DOK5: variants seen among roughly 807,000 people sequenced by gnomAD.
DOK5 encodes the protein downstream of tyrosine kinase 5.
A neutral mutation model predicts 43.3 loss-of-function variants in DOK5; 27 were observed. The ratio of observed to expected loss-of-function variants is 0.62; its 90% CI spans 0.46 to 0.86. The LOEUF is 0.86. DOK5 is among the 40% of genes least tolerant of loss of function. The pLI, the probability that DOK5 is intolerant of heterozygous loss-of-function variation, is 0.00. For missense variants in DOK5, 373 were observed against 392.9 expected (o/e 0.95, Z 0.43); for synonymous variants, 146 against 140.1 (o/e 1.04, Z -0.30).
intron 1 of DOK5, among the ~76,000 whole-genome samples, chr20:54,492,477 C>T (rs754064340): frequency 3.3e-5 from 5 of 151,978 alleles, no homozygotes; most frequent in Non-Finnish European, 7.4e-5. Flanking sequence ...TAGGTAGTTT[C>T]CAGGTTTTGC....
chr20:54,640,772 A>G (rs1258775577), intron 6 of DOK5, among the ~76,000 whole-genome samples: 1 of 152,218 alleles, frequency 6.6e-6, no homozygotes, highest in Non-Finnish European at 1.5e-5. Flanking sequence ...TTTTCTTTAT[A>G]TGAAATTTTC....
chr20:54,561,797 T>A (rs1304833754), intron 2 of DOK5, among the ~76,000 whole-genome samples: 1 of 152,168 alleles, frequency 6.6e-6, no homozygotes, highest in African/African-American at 2.4e-5. Flanking sequence ...GCTGGGATTA[T>A]AGGCATGCGC....
intron 6 of DOK5, among the ~76,000 whole-genome samples, chr20:54,615,166 G>A (rs967680461): frequency 5.3e-5 from 8 of 152,140 alleles, no homozygotes; most frequent in African/African-American, 1.7e-4. Context: ...GCCAATACCA[G>A]GCTGAAATTA....
rs564669305 is a variant in DOK5 at position 54,518,704 on chromosome 20, A to G, written c.67-36229A>G. On this transcript the variant is annotated intron_variant, in intron 1 of 7. Transcript: ENST00000262593. Reference sequence around the variant, plus strand: ...AGATCCCTGAGGAATCGCCACACTGACTTCCACAATGGTTGAACTAGTTTA... The same window carrying G: ...AGATCCCTGAGGAATCGCCACACTGGCTTCCACAATGGTTGAACTAGTTTA... Among the ~76,000 whole-genome samples the G allele has an allele frequency of 3.3e-5, 5 of 152,328 alleles. No individual in the cohort carries two copies. The South Asian group carries it at 1.0e-3, about 32-fold the overall frequency.
intron 1 of DOK5, among the ~76,000 whole-genome samples, chr20:54,493,917 TGACA>T (rs1285384728): frequency 6.6e-6 from 1 of 152,178 alleles, no homozygotes; most frequent in Admixed American, 6.5e-5. Flanking sequence ...CCAGCCTGGG[TGACA>T]GACTGAGACC....
chr20:54,646,944 G>C (rs974806175), intron 7 of DOK5, among the ~76,000 whole-genome samples: 4 of 148,048 alleles, frequency 2.7e-5, no homozygotes, highest in African/African-American at 7.5e-5. Flanking sequence ...AAATCATACA[G>C]ACCCTTAAGG....
At chr20:54,516,741 G>T (rs7273785) in intron 1 of DOK5, among the ~76,000 whole-genome samples, 1 of 152,116 alleles carries the variant, frequency 6.6e-6, no homozygotes, top group Admixed American at 6.5e-5. Context: ...CTACTAAATA[G>T]GTACTAAAAG....
At position 54,502,465 on chromosome 20, in the gene DOK5, C is replaced by T. The variant is rs996194312; in HGVS notation, c.66+26453C>T. On this transcript the variant is annotated intron_variant, in intron 1 of 7. Transcript: ENST00000262593. ...AAATTTTACAGTCATTCACATGGCTCGAAATTCAAGAATTAAAAGTTCAAA... is the reference window on the plus strand; with the variant it reads ...AAATTTTACAGTCATTCACATGGCTTGAAATTCAAGAATTAAAAGTTCAAA... Among the ~76,000 whole-genome samples, 5 of 152,072 alleles carry T rather than the reference C, an allele frequency of 3.3e-5. No homozygotes were observed. In the East Asian group the frequency reaches 5.8e-4, roughly 18 times the overall value.
chr20:54,605,024 TACACACAC>T (rs35834800), intron 5 of DOK5, among the ~76,000 whole-genome samples: 1 of 132,470 alleles, frequency 7.5e-6, no homozygotes, highest in South Asian at 2.3e-4. Flanking sequence ...TATATATATA[TACACACAC>T]ACACACACAC....
rs1023192331 is a variant in DOK5, at chr20:54,554,950, G to T, written c.84G>T (p.Trp28Cys). 6 of 1,612,458 alleles carry T rather than the reference G, an allele frequency of 3.7e-6. No homozygotes were observed. The highest frequency in any genetic ancestry group is 5.1e-6 in the Non-Finnish European group (6 of 1,178,638). The stretch of plus-strand genomic sequence containing the variant: ...CCTTCCAGATTTATCAGCGATGCTG[G>T]TTAGTATTCAAGAAAGCTTCAAGCA... ...SRRLGIYQRC[W>C]LVFKKASSKG... The change falls in exon 2 of 8, where the codon TGG becomes TGT. Residue 28 changes from tryptophan (W) to cysteine (C), a missense_variant. Physicochemically the swap from Trp to Cys is radical, Grantham distance 215. Transcript: ENST00000262593.
chr20:54,564,988 T>C (rs550421831), intron 2 of DOK5, among the ~76,000 whole-genome samples: 3 of 152,368 alleles, frequency 2.0e-5, no homozygotes, highest in African/African-American at 7.2e-5. Flanking sequence ...TCTGTTCCTT[T>C]GTTCTATTGA....
intron 5 of DOK5, among the ~76,000 whole-genome samples, chr20:54,595,927 T>C (rs149079564): frequency 1.0e-3 from 157 of 152,346 alleles, no homozygotes; most frequent in African/African-American, 3.7e-3. Flanking sequence ...GTAATAACTT[T>C]CTTGCAGGTT....
At chr20:54,539,083 C>G (rs1454254727) in intron 1 of DOK5, among the ~76,000 whole-genome samples, 1 of 151,932 alleles carries the variant, frequency 6.6e-6, no homozygotes, top group Non-Finnish European at 1.5e-5. Context: ...GAGTTCAAGA[C>G]CAGCCTACCA....
At position 54,610,494 on chromosome 20, in the gene DOK5, C is replaced by T. The variant is rs749730244; in HGVS notation, c.706C>T (p.Arg236Cys). The T allele has an allele frequency of 3.8e-5, 59 of 1,546,252 alleles. No homozygotes were observed. The highest frequency in any genetic ancestry group is 4.9e-5 in the South Asian group (4 of 81,288). The change falls in exon 6 of 8, where the codon CGC becomes TGC. Residue 236 changes from arginine to cysteine, a missense_variant. Transcript: ENST00000262593. Reference sequence around the variant, plus strand: ...CTTGGCCATAGCCGAGCAGCACGAGCGCTTGCTACAGAGTGTGAAAAACTC... The same window carrying T: ...CTTGGCCATAGCCGAGCAGCACGAGTGCTTGCTACAGAGTGTGAAAAACTC... Reference protein sequence around the residue: ...AALAIAEQHERLLQSVKNSML... With the variant: ...AALAIAEQHECLLQSVKNSML...
Position 54,475,951 on chromosome 20 carries a change from C to T in DOK5, c.5C>T (p.Ala2Val). 1 of 1,613,356 alleles carries T rather than the reference C, an allele frequency of 6.2e-7. No individual in the cohort carries two copies. Among genetic ancestry groups the T allele is most frequent in the Non-Finnish European group, 8.5e-7 (1 of 1,179,930 alleles). Residue 2 changes from alanine (A) to valine (V), a missense_variant, in exon 1 of 8, where the codon GCT becomes GTT. Physicochemically the swap from Ala to Val is moderately conservative, Grantham distance 64. Coordinates refer to ENST00000262593, the MANE Select transcript of DOK5 (RefSeq NM_018431.5). The surrounding 1 kb of genome is among the most constrained non-coding windows in gnomAD (Gnocchi z 4.2). ...GGGGGTCACCGGCTGTCTGGGATGG[C>T]TTCCAATTTTAATGACATAGTGAAG... M[A>V]SNFNDIVKQG...
At chr20:54,620,400 A>C (rs887793507) in intron 6 of DOK5, among the ~76,000 whole-genome samples, 1 of 151,946 alleles carries the variant, frequency 6.6e-6, no homozygotes, top group Non-Finnish European at 1.5e-5. Context: ...CACCATGCCC[A>C]GCTAATTTTT....
chr20:54,623,756 T>A (rs543523282), intron 6 of DOK5, among the ~76,000 whole-genome samples: 3 of 152,028 alleles, frequency 2.0e-5, no homozygotes, highest in Non-Finnish European at 2.9e-5. Context: ...ATTTTTTGTA[T>A]TTTTAGTAGA....
intron 1 of DOK5, among the ~76,000 whole-genome samples, chr20:54,543,989 G>A (rs1032200115): frequency 2.6e-5 from 4 of 152,124 alleles, no homozygotes; most frequent in African/African-American, 4.8e-5. Flanking sequence ...CTGGGTCAAA[G>A]TGTAGATATA....
At chr20:54,515,213 A>C (rs1234712321) in intron 1 of DOK5, among the ~76,000 whole-genome samples, 1 of 151,988 alleles carries the variant, frequency 6.6e-6, no homozygotes, top group Non-Finnish European at 1.5e-5. Flanking sequence ...GGGTTTCACT[A>C]TGTTGGCCAG....
Sources: gnomAD v4.1 joint callset for allele counts (sites outside exome capture counted in the v4.1 genomes callset) on GRCh38, gnomAD v4.1.1 for gene constraint, Gnocchi (gnomAD v3.1) non-coding constraint, MANE v1.5 for transcripts, NCBI Gene and HGNC (gene_info 2026-07-23, HGNC 2026-07-21) for gene names.